Variants in SLC4A10 observed in about 807,000 individuals in gnomAD.
The protein encoded by SLC4A10 is sodium-driven chloride bicarbonate exchanger.
In SLC4A10, 42 loss-of-function variants were observed where a neutral mutation model predicts 137.7. The observed-to-expected ratio is 0.30, with a 90% CI of 0.24 to 0.39. The LOEUF is 0.39. Ranked by LOEUF, SLC4A10 falls within the 10% of genes least tolerant of loss-of-function variation. The pLI is 1.00. For synonymous variants in SLC4A10, 474 were observed against 464.1 expected (o/e 1.02, Z -0.27); for missense variants, 925 against 1,355.0 (o/e 0.68, Z 4.98).
At chr2:161,666,320 G>T (rs1444119007) in intron 1 of SLC4A10, among the ~76,000 whole-genome samples, 3 of 151,540 alleles carry the variant, frequency 2.0e-5, no homozygotes, top group African/African-American at 4.8e-5. Flanking sequence ...AGTTCCTTTG[G>T]TATGTGTTTC....
intron 15 of SLC4A10, among the ~76,000 whole-genome samples, chr2:161,921,637 A>G (rs965023813): frequency 2.0e-5 from 3 of 152,230 alleles, no homozygotes; most frequent in Non-Finnish European, 4.4e-5. Context: ...CTTTGCCTAT[A>G]TGACTTCATT....
rs577365887 is a variant in SLC4A10 at position 161,672,837 on chromosome 2, C to T, written c.48+48271C>T. Reference sequence around the variant, plus strand: ...ATAATGATGTGAATGGATTTTTGATCTTTTTCATTTAATTGTGCTTCTTTT... The same window carrying T: ...ATAATGATGTGAATGGATTTTTGATTTTTTTCATTTAATTGTGCTTCTTTT... On this transcript the variant is annotated intron_variant, in intron 1 of 26. Coordinates refer to ENST00000446997, the MANE Select transcript of SLC4A10 (RefSeq NM_001178015.2). Among the ~76,000 whole-genome samples the T allele has an allele frequency of 2.6e-5, 4 of 152,086 alleles. No individual in the cohort carries two copies. In the South Asian group the frequency reaches 8.3e-4, roughly 32 times the overall value.
At chr2:161,636,755 T>C (rs755732358) in intron 1 of SLC4A10, among the ~76,000 whole-genome samples, 1 of 152,094 alleles carries the variant, frequency 6.6e-6, no homozygotes, top group Non-Finnish European at 1.5e-5. Flanking sequence ...AGTCGTGCAA[T>C]CATGGTTCAC....
chr2:161,737,992 A>G (rs1022539240), intron 1 of SLC4A10, among the ~76,000 whole-genome samples: 17 of 152,134 alleles, frequency 1.1e-4, no homozygotes, highest in African/African-American at 4.1e-4. Context: ...GAGGCCTCTA[A>G]CTGGATCCAG....
chr2:161,819,349 T>G (rs1275661528), intron 3 of SLC4A10, among the ~76,000 whole-genome samples: 3 of 152,138 alleles, frequency 2.0e-5, no homozygotes, highest in Admixed American at 6.5e-5. Flanking sequence ...CAAAAAACTT[T>G]TAATGCCCAC....
chr2:161,843,692 T>A (rs1324134820), intron 4 of SLC4A10, among the ~76,000 whole-genome samples: 1 of 152,196 alleles, frequency 6.6e-6, no homozygotes, highest in Non-Finnish European at 1.5e-5. Context: ...TGACTCCATC[T>A]GATTTTTCAC....
intron 2 of SLC4A10, among the ~76,000 whole-genome samples, chr2:161,781,224 A>AT (rs571532583): frequency 1.8e-3 from 275 of 152,230 alleles, no homozygotes; most frequent in Non-Finnish European, 2.8e-3. Flanking sequence ...CTGCTGTGTT[A>AT]TGGAACATGA....
At chr2:161,801,353 C>T (rs1464378982) in intron 2 of SLC4A10, among the ~76,000 whole-genome samples, 1 of 151,964 alleles carries the variant, frequency 6.6e-6, no homozygotes, top group Non-Finnish European at 1.5e-5. Context: ...CCCAACTTCT[C>T]TCTTAATATA....
intron 1 of SLC4A10, among the ~76,000 whole-genome samples, chr2:161,715,880 CTGGT>C (rs1247729931): frequency 1.3e-5 from 2 of 151,976 alleles, no homozygotes; most frequent in Non-Finnish European, 1.5e-5. Flanking sequence ...AATGGTATTT[CTGGT>C]TGCAGGTCTT....
intron 1 of SLC4A10, among the ~76,000 whole-genome samples, chr2:161,770,627 A>G (rs990268307): frequency 6.6e-6 from 1 of 151,926 alleles, no homozygotes; most frequent in Non-Finnish European, 1.5e-5. Context: ...TCAAAATGTC[A>G]TCTTGTTAAC....
At chr2:161,726,518 C>A (rs1412992658) in intron 1 of SLC4A10, among the ~76,000 whole-genome samples, 1 of 152,088 alleles carries the variant, frequency 6.6e-6, no homozygotes, top group Non-Finnish European at 1.5e-5. Flanking sequence ...AGTGTCTTGG[C>A]CCACTGAGAA....
chr2:161,637,401 G>A (rs190388961), intron 1 of SLC4A10, among the ~76,000 whole-genome samples: 94 of 151,608 alleles, frequency 6.2e-4, no homozygotes, highest in African/African-American at 1.9e-3. Flanking sequence ...GGTTTTTACC[G>A]TGTTTACCAG....
intron 1 of SLC4A10, among the ~76,000 whole-genome samples, chr2:161,662,924 G>T (rs2038610712): frequency 6.6e-6 from 1 of 152,210 alleles, no homozygotes; most frequent in African/African-American, 2.4e-5. Context: ...TAGGTTGCCA[G>T]TGCATTTGTC....
In SLC4A10 at chr2:161,733,186, C is replaced by T. The variant is rs111606668; in HGVS notation, c.49-37787C>T. 2.4e-3 allele frequency among the ~76,000 whole-genome samples: 365 copies of T among 152,294 alleles called. 2 individuals carry two copies. The highest frequency in any genetic ancestry group is 8.3e-3 in the African/African-American group (347 of 41,562). On this transcript the variant is annotated intron_variant, in intron 1 of 26. Coordinates refer to ENST00000446997, the MANE Select transcript of SLC4A10 (RefSeq NM_001178015.2). The stretch of plus-strand genomic sequence containing the variant: ...CCCAAGACAATGGGGAAAATATCTC[C>T]AGGGCATGTCAGAGGTCTTTATGGT...
intron 2 of SLC4A10, among the ~76,000 whole-genome samples, chr2:161,801,963 A>C (rs1397472422): frequency 6.6e-6 from 1 of 152,102 alleles, no homozygotes; most frequent in Non-Finnish European, 1.5e-5. Flanking sequence ...CACATAATAT[A>C]ACTTAATATT....
intron 1 of SLC4A10, among the ~76,000 whole-genome samples, chr2:161,655,272 T>C (rs1485664082): frequency 6.6e-6 from 1 of 152,206 alleles, no homozygotes; most frequent in Non-Finnish European, 1.5e-5. Flanking sequence ...GTGGGATATT[T>C]AGGTTTGTCT....
intron 2 of SLC4A10, among the ~76,000 whole-genome samples, chr2:161,798,569 CATA>C (rs974401310): frequency 3.3e-5 from 5 of 151,602 alleles, no homozygotes; most frequent in African/African-American, 1.2e-4. Flanking sequence ...GTCTGTTGAA[CATA>C]ATAATAGCCA....
At chr2:161,710,576 A>T (rs569647756) in intron 1 of SLC4A10, 2 of 347,166 alleles carry the variant, frequency 5.8e-6, no homozygotes, top group Non-Finnish European at 1.2e-5. Context: ...ACTGGTTAGA[A>T]TGTAGTTAAA....
intron 21 of SLC4A10, among the ~76,000 whole-genome samples, chr2:161,961,001 G>A (rs1696610920): frequency 6.6e-6 from 1 of 152,140 alleles, no homozygotes. Context: ...GAAAAGTCTT[G>A]TTTTATAATT....
Sources: allele counts gnomAD v4.1 joint callset (sites outside exome capture counted in the v4.1 genomes callset), GRCh38; gene constraint gnomAD v4.1.1; transcripts MANE v1.5; gene names NCBI Gene and HGNC (gene_info 2026-07-23, HGNC 2026-07-21).